The following EPB41L3 variants were observed in gnomAD, a reference collection of about 807,000 sequenced individuals.
EPB41L3 encodes erythrocyte membrane protein band 4.1 like 3.
Under a neutral mutation model 127.1 loss-of-function variants are expected in EPB41L3, and 57 were observed. That is an observed-to-expected ratio of 0.45 (90% CI 0.36 to 0.56). The LOEUF (loss-of-function observed/expected upper bound fraction) is 0.56. EPB41L3 is among the 20% of genes least tolerant of loss of function. The pLI is 0.00. For synonymous variants in EPB41L3, 572 were observed against 549.5 expected (o/e 1.04, Z -0.57); for missense variants, 1,273 against 1,372.2 (o/e 0.93, Z 1.14).
Position 5,433,480 on chromosome 18 carries a change from G to T in EPB41L3, c.901C>A (p.His301Asn). 6.2e-7 allele frequency: 1 copy of T among 1,611,944 alleles called. No individual in the cohort carries two copies. The highest frequency in any genetic ancestry group is 8.5e-7 in the Non-Finnish European group (1 of 1,178,386). The change falls in exon 8 of 23, where the codon CAT becomes AAT. Residue 301 changes from histidine to asparagine, a missense_variant. His to Asn is a moderately conservative substitution (Grantham distance 68). Transcript: ENST00000341928. The stretch of plus-strand genomic sequence containing the variant: ...AAAAAGATGCATACCTTAGCATGAT[G>T]TAAATCTACCCCATACATTGATAAT... ...KKLSMYGVDL[H>N]HAKDSEGVEI...
At chr18:5,563,700 C>T (rs1188865126) in intron 3 of EPB41L3, among the ~76,000 whole-genome samples, 1 of 152,104 alleles carries the variant, frequency 6.6e-6, no homozygotes, top group East Asian at 1.9e-4. Context: ...GTAATGGCAC[C>T]CAACTGGGGG....
At chr18:5,580,879 C>A (rs1028328498) in intron 3 of EPB41L3, among the ~76,000 whole-genome samples, 7 of 152,180 alleles carry the variant, frequency 4.6e-5, no homozygotes, top group African/African-American at 1.7e-4. Context: ...CTCATAACGT[C>A]CATTCTGGGG....
intron 3 of EPB41L3, among the ~76,000 whole-genome samples, chr18:5,552,749 C>T (rs1174675522): frequency 6.6e-6 from 1 of 152,142 alleles, no homozygotes; most frequent in African/African-American, 2.4e-5. Flanking sequence ...CAGAACCCTC[C>T]AAGGTAGAAT....
chr18:5,425,524 C>T (rs2078051093), intron 9 of EPB41L3, among the ~76,000 whole-genome samples: 1 of 152,190 alleles, frequency 6.6e-6, no homozygotes, highest in Non-Finnish European at 1.5e-5. Context: ...AGCTTGCACT[C>T]TGCTGCAAGA....
chr18:5,500,236 A>C (rs4798371), intron 1 of EPB41L3, among the ~76,000 whole-genome samples: 29,823 of 152,158 alleles, frequency 0.2, 3,236 homozygotes, highest in African/African-American at 0.29. Context: ...AGCATATTTT[A>C]TCTATATTCT....
intron 3 of EPB41L3, among the ~76,000 whole-genome samples, chr18:5,578,649 G>T (rs2143099808): frequency 6.6e-6 from 1 of 152,338 alleles, no homozygotes; most frequent in East Asian, 1.9e-4. Flanking sequence ...AGCATGAGAA[G>T]TGGTGGTCAG....
At chr18:5,525,169 AT>A (rs2093172042) in intron 1 of EPB41L3, among the ~76,000 whole-genome samples, 1 of 152,082 alleles carries the variant, frequency 6.6e-6, no homozygotes, top group South Asian at 2.1e-4. Flanking sequence ...CCTTTCTTAC[AT>A]TTGCTCCAAG....
chr18:5,513,392 G>A (rs2092623473), intron 1 of EPB41L3, among the ~76,000 whole-genome samples: 1 of 152,126 alleles, frequency 6.6e-6, no homozygotes, highest in South Asian at 2.1e-4. Context: ...AAAAAGGAAA[G>A]GGTAGGATAG....
chr18:5,623,849 G>A (rs897600103), intron 1 of EPB41L3, among the ~76,000 whole-genome samples: 1 of 151,686 alleles, frequency 6.6e-6, no homozygotes, highest in Admixed American at 6.6e-5. Context: ...GGGAGTCAGG[G>A]TTTCACCATG....
At chr18:5,601,583 G>A (rs114002586) in intron 3 of EPB41L3, among the ~76,000 whole-genome samples, 195 of 152,176 alleles carry the variant, frequency 1.3e-3, no homozygotes, top group African/African-American at 4.6e-3. Flanking sequence ...GCTGAATTAC[G>A]CAGCAGAGTA....
chr18:5,505,507 AC>A (rs1352733131), intron 1 of EPB41L3, among the ~76,000 whole-genome samples: 1 of 133,828 alleles, frequency 7.5e-6, no homozygotes, highest in East Asian at 2.2e-4. Context: ...CTTCATCTCC[AC>A]CCCTACCCTC....
chr18:5,414,869 T>A (rs1467083673), intron 13 of EPB41L3, among the ~76,000 whole-genome samples: 1 of 152,208 alleles, frequency 6.6e-6, no homozygotes, highest in African/African-American at 2.4e-5. Context: ...GCTCGCCCAA[T>A]TGCTCGAGTC....
At chr18:5,570,756 C>T (rs1037782956) in intron 3 of EPB41L3, 6 of 152,172 alleles carry the variant, frequency 3.9e-5, no homozygotes, top group Non-Finnish European at 4.4e-5. Flanking sequence ...TCCCCCACTC[C>T]CCATTCTTAT....
intron 3 of EPB41L3, among the ~76,000 whole-genome samples, chr18:5,607,252 T>C (rs1230155573): frequency 6.6e-6 from 1 of 152,112 alleles, no homozygotes; most frequent in Non-Finnish European, 1.5e-5. Flanking sequence ...GAAGATGGGA[T>C]AAAGATGTTT....
chr18:5,478,326 G>A lies in EPB41L3; in HGVS notation c.296C>T (p.Ser99Phe). 6.2e-7 allele frequency: 1 copy of A among 1,614,054 alleles called. No individual in the cohort carries two copies. Among genetic ancestry groups the A allele is most frequent in the Non-Finnish European group, 8.5e-7 (1 of 1,180,000 alleles). The change falls in exon 3 of 23, where the codon TCT (serine) becomes TTT (phenylalanine). Residue 99 changes from serine (S) to phenylalanine (F), a missense_variant. Transcript: ENST00000341928. ...QKSSSSKLSR[S>F]PLKIVKKPKS... ...AGGCTTTTTGACAATCTTTAATGGAGACCGAGAGAGTTTACTGCTAGATGA... is the reference window on the plus strand; with the variant it reads ...AGGCTTTTTGACAATCTTTAATGGAAACCGAGAGAGTTTACTGCTAGATGA...
In EPB41L3 at chr18:5,543,392, C is replaced by T. The variant is rs2093800920; in HGVS notation, c.-12+521G>A. The T allele has an allele frequency of 6.8e-6, 1 of 147,520 alleles. No homozygotes were observed. Among genetic ancestry groups the T allele is most frequent in the Admixed American group, 6.7e-5 (1 of 14,854 alleles). The allele number at this position is 147,520 out of a possible 1,614,324, so 9.1% of individuals were successfully genotyped here. ...CCGCCGCGCGCTGAGCGCAGGGCCC[C>T]TCCCGCGGCCCGCCAGCCGCCACCC... On this transcript the variant is annotated intron_variant, in intron 1 of 22. Transcript: ENST00000341928. The surrounding 1 kb of genome is among the most constrained non-coding windows in gnomAD (Gnocchi z 5.2).
chr18:5,498,745 A>C (rs528873444), intron 1 of EPB41L3, among the ~76,000 whole-genome samples: 36 of 152,124 alleles, frequency 2.4e-4, no homozygotes, highest in Non-Finnish European at 4.4e-4. Flanking sequence ...CATAAGAGCA[A>C]AAGTATTCAG....
At chr18:5,413,021 G>T (rs7242524) in intron 13 of EPB41L3, among the ~76,000 whole-genome samples, 6 of 152,116 alleles carry the variant, frequency 3.9e-5, no homozygotes, top group African/African-American at 7.3e-5. Flanking sequence ...GCCTGATCAA[G>T]AGTCAATAAA....
At chr18:5,574,632 T>C (rs373200245) in intron 3 of EPB41L3, among the ~76,000 whole-genome samples, 1 of 152,160 alleles carries the variant, frequency 6.6e-6, no homozygotes, top group Non-Finnish European at 1.5e-5. Flanking sequence ...TTTTGATACA[T>C]ACCAGGCAGA....
Sources: allele counts gnomAD v4.1 joint callset (sites outside exome capture counted in the v4.1 genomes callset), GRCh38; gene constraint gnomAD v4.1.1; non-coding constraint Gnocchi (gnomAD v3.1); transcripts MANE v1.5; gene names NCBI Gene and HGNC (gene_info 2026-07-23, HGNC 2026-07-21).